Variants in GABBR2 observed in about 807,000 individuals in gnomAD.
GABBR2 encodes G-protein coupled receptor 51.
In GABBR2, 23 loss-of-function variants were observed where a neutral mutation model predicts 105.6. The ratio of observed to expected loss-of-function variants is 0.22; its 90% CI spans 0.16 to 0.31. The LOEUF is 0.31. Ranked by LOEUF, GABBR2 falls within the 10% of genes least tolerant of loss-of-function variation. GABBR2 has a pLI of 1.00. For missense variants in GABBR2, 734 were observed against 1,245.5 expected (o/e 0.59, Z 6.18); for synonymous variants, 478 against 499.7 (o/e 0.96, Z 0.58).
intron 15 of GABBR2, 89 bp from the exon 16 acceptor site, chr9:98,303,512 G>T: frequency 1.7e-6 from 2 of 1,190,232 alleles, no homozygotes; most frequent in Non-Finnish European, 2.4e-6. Flanking sequence ...AGCAGATCCT[G>T]CTCTGGAGGC....
intron 17 of GABBR2, among the ~76,000 whole-genome samples, chr9:98,295,820 A>AGG (rs2131339171): frequency 6.6e-6 from 1 of 152,294 alleles, no homozygotes; most frequent in Admixed American, 6.5e-5. Flanking sequence ...CACTGTGCTC[A>AGG]GCCTAAATAA....
intron 13 of GABBR2, among the ~76,000 whole-genome samples, chr9:98,315,768 T>C (rs1028407894): frequency 6.6e-6 from 1 of 152,226 alleles, no homozygotes; most frequent in Non-Finnish European, 1.5e-5. Flanking sequence ...GATTACCCTC[T>C]GCTGGGGACA....
chr9:98,545,558 C>T (rs1386881724), intron 2 of GABBR2, among the ~76,000 whole-genome samples: 2 of 152,096 alleles, frequency 1.3e-5, no homozygotes, highest in Non-Finnish European at 2.9e-5. Flanking sequence ...GGTCCCACTC[C>T]AAACGAACTG....
chr9:98,572,262 A>C (rs1303173365), intron 2 of GABBR2, among the ~76,000 whole-genome samples: 2 of 152,214 alleles, frequency 1.3e-5, no homozygotes, highest in African/African-American at 4.8e-5. Context: ...GCAGCTATGA[A>C]TCAAGAGGCC....
intron 1 of GABBR2, among the ~76,000 whole-genome samples, chr9:98,681,713 C>A (rs1830549629): frequency 6.6e-6 from 1 of 152,090 alleles, no homozygotes; most frequent in African/African-American, 2.4e-5. Flanking sequence ...ATTTTTCCAT[C>A]TCCTTATGTC....
chr9:98,674,065 T>G (rs1830441532), intron 1 of GABBR2, among the ~76,000 whole-genome samples: 1 of 152,324 alleles, frequency 6.6e-6, no homozygotes, highest in East Asian at 1.9e-4. Context: ...CAGTTCAGGC[T>G]GTGTGGTCAT....
At chr9:98,381,356 T>G (rs1343109945) in intron 11 of GABBR2, among the ~76,000 whole-genome samples, 2 of 152,210 alleles carry the variant, frequency 1.3e-5, no homozygotes, top group Non-Finnish European at 1.5e-5. Flanking sequence ...CTGCTTCTCC[T>G]TGCAGCTCCC....
At chr9:98,348,046 G>A (rs1831330333) in intron 13 of GABBR2, among the ~76,000 whole-genome samples, 2 of 152,182 alleles carry the variant, frequency 1.3e-5, no homozygotes, top group Admixed American at 6.5e-5. Context: ...GTGGAACTGT[G>A]AGTCTATTAA....
At chr9:98,492,065 T>C (rs1827185269) in intron 4 of GABBR2, among the ~76,000 whole-genome samples, 1 of 151,934 alleles carries the variant, frequency 6.6e-6, no homozygotes, top group Non-Finnish European at 1.5e-5. Context: ...AGTCAGAGAG[T>C]GGCCTGGTTT....
chr9:98,527,360 C>T (rs939769548), intron 3 of GABBR2, among the ~76,000 whole-genome samples: 28 of 151,716 alleles, frequency 1.8e-4, no homozygotes, highest in Non-Finnish European at 7.4e-5. Context: ...TATGCAGTAC[C>T]GCCTCAATGA....
At position 98,513,710 on chromosome 9, in the gene GABBR2, C is replaced by A. The variant is rs1230740743; in HGVS notation, c.631-17196G>T. On this transcript the variant is annotated intron_variant, in intron 3 of 18. Transcript: ENST00000259455. ...TGCAAATCAAAACCACAATGAGATA[C>A]CATCTCACACCAGTTAGAATGGCGA... Among the ~76,000 whole-genome samples the A allele has an allele frequency of 2.0e-5, 3 of 152,042 alleles. No individual in the cohort carries two copies. The South Asian group carries it at 6.3e-4, about 32-fold the overall frequency.
chr9:98,411,544 A>G (rs938269424), intron 7 of GABBR2, among the ~76,000 whole-genome samples: 9 of 147,106 alleles, frequency 6.1e-5, no homozygotes, highest in Non-Finnish European at 1.3e-4. Flanking sequence ...TAATGCCTTG[A>G]GTTAGTAAAA....
chr9:98,589,063 A>G (rs1829113229), intron 1 of GABBR2, among the ~76,000 whole-genome samples: 1 of 152,026 alleles, frequency 6.6e-6, no homozygotes, highest in African/African-American at 2.4e-5. Context: ...CTCTTCCCAG[A>G]CCCCACCAAC....
intron 1 of GABBR2, among the ~76,000 whole-genome samples, chr9:98,706,128 A>G (rs960769347): frequency 9.8e-5 from 14 of 143,374 alleles, no homozygotes; most frequent in Admixed American, 2.1e-4. Flanking sequence ...AAAAAAAAAG[A>G]AGGAGGAGGA....
intron 7 of GABBR2, among the ~76,000 whole-genome samples, chr9:98,417,821 CTT>C (rs990745888): frequency 6.6e-6 from 1 of 152,136 alleles, no homozygotes; most frequent in Admixed American, 6.5e-5. Flanking sequence ...GGGCACCTCT[CTT>C]TGAGGGGGTG....
At chr9:98,700,723 G>C (rs1830819088) in intron 1 of GABBR2, among the ~76,000 whole-genome samples, 1 of 152,150 alleles carries the variant, frequency 6.6e-6, no homozygotes, top group Admixed American at 6.5e-5. Flanking sequence ...AGTTAGGCTG[G>C]CCATTGACTA....
intron 4 of GABBR2, among the ~76,000 whole-genome samples, chr9:98,487,518 T>C (rs1827082777): frequency 6.6e-6 from 1 of 152,078 alleles, no homozygotes; most frequent in Admixed American, 6.5e-5. Context: ...CTCATGCCTG[T>C]AATCCCAGCA....
chr9:98,337,584 C>A (rs1459780541), intron 13 of GABBR2, among the ~76,000 whole-genome samples: 1 of 152,120 alleles, frequency 6.6e-6, no homozygotes, highest in Non-Finnish European at 1.5e-5. Flanking sequence ...ATTTTAATTG[C>A]CACAAAGCTA....
intron 1 of GABBR2, among the ~76,000 whole-genome samples, chr9:98,648,108 T>TAGATA (rs1177577717): frequency 2.2e-4 from 16 of 71,658 alleles, no homozygotes; most frequent in African/African-American, 7.9e-4. Flanking sequence ...TGTGTGTGTG[T>TAGATA]GTGTGTGTAT....
Sources: allele counts gnomAD v4.1 joint callset (sites outside exome capture counted in the v4.1 genomes callset), GRCh38; gene constraint gnomAD v4.1.1; transcripts MANE v1.5; gene names NCBI Gene and HGNC (gene_info 2026-07-23, HGNC 2026-07-21).